ARHGAP25: variants seen among roughly 807,000 people sequenced by gnomAD.
The protein encoded by ARHGAP25 is rho GTPase-activating protein 25.
In ARHGAP25, 34 loss-of-function variants were observed where a neutral mutation model predicts 71.0. The observed-to-expected ratio is 0.48, with a 90% CI of 0.36 to 0.64. The LOEUF (loss-of-function observed/expected upper bound fraction) is 0.64, where lower values mean the gene tolerates loss of function less well. Among genes scored for constraint, ARHGAP25 ranks in the 30% least tolerant of loss-of-function variants. The probability of loss-of-function intolerance (pLI) is 0.00; values close to 1 mark genes in which losing one functional copy is unlikely to be tolerated. For synonymous variants in ARHGAP25, 282 were observed against 296.5 expected (o/e 0.95, Z 0.50); for missense variants, 706 against 805.1 (o/e 0.88, Z 1.49).
At chr2:68,726,334 G>C (rs1475384463) in intron 2 of ARHGAP25, among the ~76,000 whole-genome samples, 2 of 152,226 alleles carry the variant, frequency 1.3e-5, no homozygotes, top group Non-Finnish European at 2.9e-5. Flanking sequence ...AATATTGGCA[G>C]CTTCACGTGG....
chr2:68,803,933 A>G (rs1680182778), intron 4 of ARHGAP25, among the ~76,000 whole-genome samples: 1 of 152,194 alleles, frequency 6.6e-6, no homozygotes, highest in African/African-American at 2.4e-5. Context: ...GATTGGAAGG[A>G]TAAATTTCCA....
At chr2:68,713,194 G>C (rs1674528875) in intron 2 of ARHGAP25, among the ~76,000 whole-genome samples, 1 of 152,226 alleles carries the variant, frequency 6.6e-6, no homozygotes, top group East Asian at 1.9e-4. Flanking sequence ...TTGAGCAGTG[G>C]TTTGTAGTTC....
chr2:68,807,250 G>T, intron 4 of ARHGAP25, 23 bp from the exon 5 acceptor site: 1 of 1,612,814 alleles, frequency 6.2e-7, no homozygotes, highest in Middle Eastern at 1.7e-4. Context: ...ATGACGGGCA[G>T]GTTCTGTTTG....
At chr2:68,712,211 C>A (rs1674501907) in intron 2 of ARHGAP25, among the ~76,000 whole-genome samples, 1 of 152,228 alleles carries the variant, frequency 6.6e-6, no homozygotes, top group Non-Finnish European at 1.5e-5. Flanking sequence ...ACCATTCTAA[C>A]TGGCGTGAGA....
chr2:68,738,832 A>T (rs1020873256), intron 1 of ARHGAP25, among the ~76,000 whole-genome samples: 6 of 151,788 alleles, frequency 4.0e-5, no homozygotes, highest in Non-Finnish European at 7.4e-5. Flanking sequence ...AGAAAAAAAA[A>T]AAAAAAAGAA....
At chr2:68,782,437 C>T in intron 3 of ARHGAP25, 117 bp downstream of exon 3, 1 of 844,720 alleles carries the variant, frequency 1.2e-6, no homozygotes, top group Non-Finnish European at 1.9e-6. Flanking sequence ...AACCAACCAG[C>T]CTATTGAGAG....
chr2:68,760,430 C>G (rs1008441602), intron 1 of ARHGAP25, among the ~76,000 whole-genome samples: 6 of 151,926 alleles, frequency 3.9e-5, no homozygotes, highest in Non-Finnish European at 4.4e-5. Context: ...ATCTTATATG[C>G]AGAAAATCCT....
At chr2:68,753,078 T>TG (rs70954323) in intron 1 of ARHGAP25, among the ~76,000 whole-genome samples, 44,648 of 146,914 alleles carry the variant, frequency 0.3, 6,898 homozygotes, top group South Asian at 0.43. Flanking sequence ...TTGGGGTGGA[T>TG]GGGGGGGGTG....
chr2:68,712,694 A>G (rs912083981), intron 2 of ARHGAP25, among the ~76,000 whole-genome samples: 11 of 152,186 alleles, frequency 7.2e-5, no homozygotes, highest in Non-Finnish European at 1.6e-4. Context: ...TATAAAGTGT[A>G]AGGAAGGGGT....
At chr2:68,823,805 G>A (rs11675470) in intron 10 of ARHGAP25, among the ~76,000 whole-genome samples, 81,062 of 152,106 alleles carry the variant, frequency 0.53, 22,031 homozygotes, top group East Asian at 0.85. Context: ...GGCAGCTATT[G>A]CCTCTGTCAC....
chr2:68,714,115 T>A (rs1674554545), intron 2 of ARHGAP25, among the ~76,000 whole-genome samples: 1 of 142,068 alleles, frequency 7.0e-6, no homozygotes, highest in Non-Finnish European at 1.6e-5. Context: ...CGTCTGGTCC[T>A]TGGCTTTTTT....
At chr2:68,717,491 G>A (rs909947235) in intron 2 of ARHGAP25, among the ~76,000 whole-genome samples, 2 of 152,154 alleles carry the variant, frequency 1.3e-5, no homozygotes, top group Non-Finnish European at 2.9e-5. Flanking sequence ...TGCAAAAGAC[G>A]ATAACTTAAT....
chr2:68,788,976 T>A (rs1277642149), intron 4 of ARHGAP25, among the ~76,000 whole-genome samples: 1 of 152,160 alleles, frequency 6.6e-6, no homozygotes, highest in African/African-American at 2.4e-5. Context: ...ACTGTTTACA[T>A]CTACACACTT....
At chr2:68,770,059 C>G (rs1178073364) in intron 1 of ARHGAP25, among the ~76,000 whole-genome samples, 3 of 152,170 alleles carry the variant, frequency 2.0e-5, no homozygotes, top group African/African-American at 7.2e-5. Context: ...ATATAAGGAA[C>G]AGGCAGCCTT....
intron 4 of ARHGAP25, among the ~76,000 whole-genome samples, chr2:68,801,464 T>C (rs1679957776): frequency 6.6e-6 from 1 of 152,218 alleles, no homozygotes. Flanking sequence ...AGGAGGTGGC[T>C]TGCTGTATCA....
chr2:68,753,531 G>A (rs1676304671), intron 1 of ARHGAP25, among the ~76,000 whole-genome samples: 2 of 152,214 alleles, frequency 1.3e-5, no homozygotes, highest in African/African-American at 4.8e-5. Flanking sequence ...TTGAAGCAGT[G>A]TGGGTTTGTT....
At chr2:68,799,030 G>A (rs916292745) in intron 4 of ARHGAP25, among the ~76,000 whole-genome samples, 1 of 152,180 alleles carries the variant, frequency 6.6e-6, no homozygotes, top group Non-Finnish European at 1.5e-5. Flanking sequence ...GAAAGCAGGA[G>A]ACCAGATATG....
At chr2:68,742,808 C>T (rs1221080447) in intron 1 of ARHGAP25, among the ~76,000 whole-genome samples, 1 of 152,188 alleles carries the variant, frequency 6.6e-6, no homozygotes, top group Admixed American at 6.5e-5. Flanking sequence ...CCAGTGTCTG[C>T]TCCTGGCTCA....
intron 2 of ARHGAP25, among the ~76,000 whole-genome samples, chr2:68,778,396 C>T (rs977453995): frequency 3.3e-5 from 5 of 151,726 alleles, no homozygotes; most frequent in African/African-American, 1.2e-4. Flanking sequence ...TAGAAAAAGG[C>T]CTAGAAAGAC....
Sources: gnomAD v4.1 joint callset for allele counts (sites outside exome capture counted in the v4.1 genomes callset) on GRCh38, gnomAD v4.1.1 for gene constraint, MANE v1.5 for transcripts, NCBI Gene and HGNC (gene_info 2026-07-23, HGNC 2026-07-21) for gene names.